SLC4A10: variants seen among roughly 807,000 people sequenced by gnomAD.
SLC4A10 encodes solute carrier family 4 member 10.
In SLC4A10, 42 loss-of-function variants were observed where a neutral mutation model predicts 137.7. The observed-to-expected ratio is 0.30, with a 90% CI of 0.24 to 0.39. SLC4A10 has a LOEUF of 0.39. SLC4A10 is among the 10% of genes least tolerant of loss of function. The pLI is 1.00. For missense variants in SLC4A10, 925 were observed against 1,355.0 expected (o/e 0.68, Z 4.98); for synonymous variants, 474 against 464.1 (o/e 1.02, Z -0.27).
At chr2:161,872,956 C>T (rs1469523160) in intron 7 of SLC4A10, among the ~76,000 whole-genome samples, 1 of 152,142 alleles carries the variant, frequency 6.6e-6, no homozygotes, top group Non-Finnish European at 1.5e-5. Flanking sequence ...TCAGGTGATC[C>T]GTCCGCCTCA....
At chr2:161,723,792 C>A (rs1283282883) in intron 1 of SLC4A10, among the ~76,000 whole-genome samples, 1 of 152,138 alleles carries the variant, frequency 6.6e-6, no homozygotes, top group Non-Finnish European at 1.5e-5. Context: ...TTTCAAAAAA[C>A]ATTCCAAGTA....
chr2:161,757,503 A>G (rs2049785829), intron 1 of SLC4A10, among the ~76,000 whole-genome samples: 1 of 152,164 alleles, frequency 6.6e-6, no homozygotes, highest in African/African-American at 2.4e-5. Flanking sequence ...CGTATTAGCA[A>G]CATGTAACTC....
Position 161,870,045 on chromosome 2 carries a change from CCTT to C in SLC4A10, c.767-2243_767-2241del, listed in dbSNP as rs572481758. ...TATTTATAAAAATAGTTTCTAAATC[CCTT>C]CTTCATTATCAACCTTATAAAGTAA... On this transcript the variant is annotated intron_variant, in intron 6 of 26. Transcript: ENST00000446997. Among the ~76,000 whole-genome samples the C allele has an allele frequency of 3.2e-4, 48 of 151,214 alleles. 1 individual carries two copies. In the East Asian group the frequency reaches 8.5e-3, roughly 27 times the overall value.
chr2:161,804,222 A>G (rs891387015), intron 2 of SLC4A10, among the ~76,000 whole-genome samples: 27 of 152,300 alleles, frequency 1.8e-4, no homozygotes, highest in African/African-American at 6.5e-4. Flanking sequence ...TGATTGCAAA[A>G]TATTTAACCA....
intron 3 of SLC4A10, among the ~76,000 whole-genome samples, chr2:161,823,457 A>C (rs2057784055): frequency 6.6e-6 from 1 of 152,192 alleles, no homozygotes; most frequent in Non-Finnish European, 1.5e-5. Flanking sequence ...AAAAAGAATG[A>C]TCTCTCATGG....
intron 15 of SLC4A10, among the ~76,000 whole-genome samples, chr2:161,940,247 T>C (rs553592147): frequency 6.6e-6 from 1 of 152,294 alleles, no homozygotes; most frequent in Non-Finnish European, 1.5e-5. Flanking sequence ...CTTCCTCAGC[T>C]TCCAGTTGAG....
At chr2:161,653,864 T>C (rs1298812864) in intron 1 of SLC4A10, among the ~76,000 whole-genome samples, 1 of 152,240 alleles carries the variant, frequency 6.6e-6, no homozygotes, top group African/African-American at 2.4e-5. Context: ...AATGCAGGCA[T>C]GTAGATATCT....
intron 1 of SLC4A10, among the ~76,000 whole-genome samples, chr2:161,698,148 C>T (rs1204836267): frequency 6.6e-6 from 1 of 152,176 alleles, no homozygotes; most frequent in Non-Finnish European, 1.5e-5. Flanking sequence ...GATTTTTCCA[C>T]ATTGATTTTC....
chr2:161,862,918 G>C lies in SLC4A10; in HGVS notation c.622G>C (p.Asp208His). The change falls in exon 6 of 27, where the codon GAT (aspartate) becomes CAT (histidine). Residue 208 changes from aspartate to histidine, a missense_variant. Asp to His is a moderately conservative substitution (Grantham distance 81, BLOSUM62 -1). This residue lies in a region of SLC4A10 where 277 missense variants were observed against 306.1 expected (regional missense o/e 0.90). Coordinates refer to ENST00000446997, the MANE Select transcript of SLC4A10 (RefSeq NM_001178015.2). The part of the protein sequence containing the change: ...QQVSSGQLNE[D>H]VRHRVHEALM... The stretch of plus-strand genomic sequence containing the variant: ...AGTGAGCTCAGGTCAGCTGAATGAA[G>C]ATGTACGCCATAGGGTCCATGAGGC... 6.2e-7 allele frequency: 1 copy of C among 1,611,856 alleles called. No homozygotes were observed. The highest frequency in any genetic ancestry group is 8.5e-7 in the Non-Finnish European group (1 of 1,178,826).
chr2:161,690,786 T>C (rs1158618329), intron 1 of SLC4A10, among the ~76,000 whole-genome samples: 2 of 152,016 alleles, frequency 1.3e-5, no homozygotes, highest in Admixed American at 1.3e-4. Context: ...CTGGGGCCTG[T>C]GGCAGGGTGT....
chr2:161,855,610 G>A (rs1037564473), intron 5 of SLC4A10, among the ~76,000 whole-genome samples: 7 of 152,068 alleles, frequency 4.6e-5, no homozygotes, highest in East Asian at 1.9e-4. Context: ...GTTAGGATTC[G>A]TTTTGTAATT....
At chr2:161,979,290 GT>G (rs1447956820) in intron 26 of SLC4A10, among the ~76,000 whole-genome samples, 1 of 152,104 alleles carries the variant, frequency 6.6e-6, no homozygotes, top group East Asian at 1.9e-4. Context: ...AAATCTTTTT[GT>G]TTTAAAAATA....
At position 161,836,498 on chromosome 2, in the gene SLC4A10, GGAAGAA is replaced by G. The variant is rs1454040534; in HGVS notation, c.278-3290_278-3285del. Among the ~76,000 whole-genome samples, 1,201 of 126,948 alleles carry G rather than the reference GGAAGAA, an allele frequency of 9.5e-3. 33 individuals carry two copies. The highest frequency in any genetic ancestry group is 0.034 in the African/African-American group (1,129 of 32,884). 83.3% of individuals were successfully genotyped at this position (126,948 alleles called of 152,430 possible). On this transcript the variant is annotated intron_variant, in intron 3 of 26. Transcript: ENST00000446997. ...GGGTGACAGAGTGAAAGAAAGAAAA[GGAAGAA>G]AAAGAAAGAAAGAAAGAGAGAGAGA...
chr2:161,877,610 A>G (rs989151843), intron 8 of SLC4A10, among the ~76,000 whole-genome samples: 2 of 152,038 alleles, frequency 1.3e-5, no homozygotes, highest in Admixed American at 1.3e-4. Flanking sequence ...AACCTTACTT[A>G]TTATAGTAAA....
At chr2:161,939,792 A>C (rs573665572) in intron 15 of SLC4A10, among the ~76,000 whole-genome samples, 2 of 152,222 alleles carry the variant, frequency 1.3e-5, no homozygotes, top group South Asian at 2.1e-4. Context: ...AGAATGTAAA[A>C]ATATAGATTT....
At chr2:161,908,247 A>C (rs548584691) in intron 15 of SLC4A10, among the ~76,000 whole-genome samples, 1 of 152,288 alleles carries the variant, frequency 6.6e-6, no homozygotes, top group South Asian at 2.1e-4. Context: ...TAGAGAGGAC[A>C]GTGGCATGGA....
Position 161,976,852 on chromosome 2 carries a change from A to G in SLC4A10, c.3320A>G (p.Lys1107Arg), listed in dbSNP as rs745777704. 1.9e-6 allele frequency: 3 copies of G among 1,595,882 alleles called. No individual in the cohort carries two copies. The highest frequency in any genetic ancestry group is 2.6e-6 in the Non-Finnish European group (3 of 1,170,578). ...ATTACTGCCGATAACTCAAAAGATA[A>G]GGAGTCAAGCTTTCCTTCCAAAAGG... ...LLITADNSKD[K>R]ESSFPSKSSP... The change falls in exon 25 of 27, where the codon AAG (lysine) becomes AGG (arginine). Residue 1107 changes from lysine to arginine, a missense_variant. Transcript: ENST00000446997.
intron 1 of SLC4A10, among the ~76,000 whole-genome samples, chr2:161,656,327 C>A (rs950110382): frequency 6.6e-6 from 1 of 152,102 alleles, no homozygotes; most frequent in South Asian, 2.1e-4. Flanking sequence ...TTTGAGACAT[C>A]TTTCTTAAGC....
chr2:161,735,142 A>G (rs945523880), intron 1 of SLC4A10, among the ~76,000 whole-genome samples: 3 of 148,514 alleles, frequency 2.0e-5, no homozygotes, highest in Non-Finnish European at 4.5e-5. Flanking sequence ...AAAAATATAT[A>G]TATTATACAT....
Sources: allele counts gnomAD v4.1 joint callset (sites outside exome capture counted in the v4.1 genomes callset), GRCh38; gene constraint gnomAD v4.1.1; regional missense constraint gnomAD v4.1.1; transcripts MANE v1.5; gene names NCBI Gene and HGNC (gene_info 2026-07-23, HGNC 2026-07-21).